Variants in PLEKHG3 observed in about 807,000 individuals in gnomAD.
PLEKHG3 encodes the protein pleckstrin homology and RhoGEF domain containing G3, also known as pleckstrin homology domain-containing family G member 3.
In PLEKHG3, 62 loss-of-function variants were observed where a neutral mutation model predicts 94.9. That is an observed-to-expected ratio of 0.65 (90% CI 0.53 to 0.81). PLEKHG3 has a LOEUF of 0.81. Ranked by LOEUF, PLEKHG3 falls within the 30% of genes least tolerant of loss-of-function variation. The pLI, the probability that PLEKHG3 is intolerant of heterozygous loss-of-function variation, is 0.00. For synonymous variants in PLEKHG3, 614 were observed against 654.0 expected, an observed-to-expected ratio of 0.94 and a Z score of 0.93; for missense variants, 1,461 against 1,619.3, an observed-to-expected ratio of 0.90 and a Z score of 1.68.
rs200024630 is a variant in PLEKHG3, at chr14:64,743,560, C to G, written c.3517C>G (p.Leu1173Val). The change falls in exon 17 of 17, where the codon CTG becomes GTG. Residue 1173 changes from leucine (L) to valine (V), a missense_variant. Transcript: ENST00000247226. This position sits in a 1 kb window ranked among gnomAD's most constrained non-coding sequence, Gnocchi z 7.2. ...SGQGPSSPVA[L>V]LGQVQDFQQS... ...CCAGGGACCAAGCTCACCGGTGGCC[C>G]TGCTGGGGCAGGTTCAGGACTTCCA... 6 of 1,612,942 alleles carry G rather than the reference C, an allele frequency of 3.7e-6. No individual in the cohort carries two copies. The highest frequency in any genetic ancestry group is 4.2e-6 in the Non-Finnish European group (5 of 1,179,924).
chr14:64,718,807 G>C lies in PLEKHG3; in HGVS notation c.-39-8786G>C, dbSNP rs1356129562. On this transcript the variant is annotated intron_variant, in intron 1 of 16. Transcript: ENST00000247226. The surrounding 1 kb of genome is among the most constrained non-coding windows in gnomAD (Gnocchi z 5.0). ...TTTGTCTTATGCCCTGGCCCTCCCA[G>C]ATGTCTACCCTGCAGATGGGTTTAA... Among the ~76,000 whole-genome samples the C allele has an allele frequency of 6.6e-6, 1 of 152,136 alleles. No homozygotes were observed. Among genetic ancestry groups the C allele is most frequent in the Non-Finnish European group, 1.5e-5 (1 of 68,018 alleles).
rs1179061892 is a variant in PLEKHG3, at chr14:64,749,444, C to T, written c.*5741C>T. The T allele has an allele frequency of 1.2e-6, 2 of 1,602,702 alleles. No individual in the cohort carries two copies. Among genetic ancestry groups the T allele is most frequent in the Non-Finnish European group, 1.7e-6 (2 of 1,178,772 alleles). ...TCTGGGACTCGTTGATGGCGGTGCT[C>T]ACGCCCTGCAGCCAGGACAGCATCT... On this transcript the variant is annotated 3_prime_UTR_variant, in exon 17 of 17. Coordinates refer to ENST00000247226, the MANE Select transcript of PLEKHG3 (RefSeq NM_001308147.2). The surrounding 1 kb of genome is among the most constrained non-coding windows in gnomAD (Gnocchi z 4.7).
At position 64,739,365 on chromosome 14, in the gene PLEKHG3, C is replaced by T. The variant is rs2139395113; in HGVS notation, c.1518+510C>T. Reference sequence around the variant, plus strand: ...TGGCGTGCCTAACACTGAGCAGCTTCTGAGGCGCGGGGCTGAGATCAGACC... The same window carrying T: ...TGGCGTGCCTAACACTGAGCAGCTTTTGAGGCGCGGGGCTGAGATCAGACC... On this transcript the variant is annotated intron_variant, in intron 15 of 16. Coordinates refer to ENST00000247226, the MANE Select transcript of PLEKHG3 (RefSeq NM_001308147.2). This position sits in a 1 kb window ranked among gnomAD's most constrained non-coding sequence, Gnocchi z 4.1. Among the ~76,000 whole-genome samples the T allele has an allele frequency of 6.6e-6, 1 of 152,356 alleles. No homozygotes were observed. Among genetic ancestry groups the T allele is most frequent in the Non-Finnish European group, 1.5e-5 (1 of 68,034 alleles).
chr14:64,712,404 G>A (rs941273421), intron 1 of PLEKHG3, among the ~76,000 whole-genome samples: 2 of 151,930 alleles, frequency 1.3e-5, no homozygotes, highest in Admixed American at 6.6e-5. Context: ...TGCATCTTTA[G>A]ATTGGTTTGT....
rs1273365411 is a variant in PLEKHG3, at chr14:64,722,548, G to C, written c.-39-5045G>C. Among the ~76,000 whole-genome samples, 27 of 152,182 alleles carry C rather than the reference G, an allele frequency of 1.8e-4. No homozygotes were observed. The highest frequency in any genetic ancestry group is 1.8e-3 in the Admixed American group (27 of 15,290). On this transcript the variant is annotated intron_variant, in intron 1 of 16. Coordinates refer to ENST00000247226, the MANE Select transcript of PLEKHG3 (RefSeq NM_001308147.2). This position sits in a 1 kb window ranked among gnomAD's most constrained non-coding sequence, Gnocchi z 4.3. Reference sequence around the variant, plus strand: ...AGGACTTTCCCTGTGTGCAGGTGCCGTGTGGATTCCTCCCCAGCTGGGGCC... The same window carrying C: ...AGGACTTTCCCTGTGTGCAGGTGCCCTGTGGATTCCTCCCCAGCTGGGGCC...
At position 64,749,170 on chromosome 14, in the gene PLEKHG3, AGCGTGGGGCCCGG is replaced by A; in HGVS notation, c.*5469_*5481del. 9.4e-7 allele frequency: 1 copy of A among 1,062,188 alleles called. No homozygotes were observed. Among genetic ancestry groups the A allele is most frequent in the East Asian group, 2.8e-5 (1 of 36,146 alleles). The allele number at this position is 1,062,188 out of a possible 1,614,324, so 65.8% of individuals were successfully genotyped here. A position where few individuals can be genotyped will look rare whatever the true frequency, so the allele number is the denominator to read the frequency against. Reference sequence around the variant, plus strand: ...CGGGCGAAGGCAGCTTTTGCAGTGCAGCGTGGGGCCCGGGGGCCCGGCCCGCGACTCGACTCAT... The same window carrying A: ...CGGGCGAAGGCAGCTTTTGCAGTGCAGGGCCCGGCCCGCGACTCGACTCAT... On this transcript the variant is annotated 3_prime_UTR_variant, in exon 17 of 17. Transcript: ENST00000247226. The surrounding 1 kb of genome is among the most constrained non-coding windows in gnomAD (Gnocchi z 4.7).
At chr14:64,729,725 G>C (rs1469030242) in intron 3 of PLEKHG3, among the ~76,000 whole-genome samples, 2 of 152,170 alleles carry the variant, frequency 1.3e-5, no homozygotes, top group Non-Finnish European at 2.9e-5. Context: ...GTGTAAGCTG[G>C]AGAAGTCTGG....
Position 64,730,953 on chromosome 14 carries a change from G to C in PLEKHG3, c.717+4G>C, listed in dbSNP as rs753490295. The C allele has an allele frequency of 6.2e-7, 1 of 1,613,030 alleles. No individual in the cohort carries two copies. Among genetic ancestry groups the C allele is most frequent in the South Asian group, 1.1e-5 (1 of 91,088 alleles). ...CAAGTACCACCTGCTGCTCCAGGTA[G>C]CCCCTCGGTCCTCCCAAGCACCTAG... On this transcript the variant is annotated splice_donor_region_variant and intron_variant, in intron 6 of 16. Transcript: ENST00000247226. The surrounding 1 kb of genome is among the most constrained non-coding windows in gnomAD (Gnocchi z 5.4).
Position 64,746,770 on chromosome 14 carries a change from T to C in PLEKHG3, c.*3067T>C, listed in dbSNP as rs79724410. The C allele has an allele frequency of 0.13, 20,068 of 152,562 alleles. 1,452 individuals are homozygous for C. Among genetic ancestry groups the C allele is most frequent in the Middle Eastern group, 0.21 (61 of 294 alleles). 9.5% of individuals were successfully genotyped at this position (152,562 alleles called of 1,614,324 possible). A position where few individuals can be genotyped will look rare whatever the true frequency, so the allele number is the denominator to read the frequency against. Reference sequence around the variant, plus strand: ...AGAGGGAAGGAGGACCGCCTGACCTTGCCCAGAAGGAGCTTCCTCTAAACT... The same window carrying C: ...AGAGGGAAGGAGGACCGCCTGACCTCGCCCAGAAGGAGCTTCCTCTAAACT... On this transcript the variant is annotated 3_prime_UTR_variant, in exon 17 of 17. Transcript: ENST00000247226. The surrounding 1 kb of genome is among the most constrained non-coding windows in gnomAD (Gnocchi z 4.9).
At position 64,739,120 on chromosome 14, in the gene PLEKHG3, G is replaced by C. The variant is rs1312166053; in HGVS notation, c.1518+265G>C. Among the ~76,000 whole-genome samples, 1 of 152,192 alleles carries C rather than the reference G, an allele frequency of 6.6e-6. No individual in the cohort carries two copies. Among genetic ancestry groups the C allele is most frequent in the African/African-American group, 2.4e-5 (1 of 41,440 alleles). On this transcript the variant is annotated intron_variant, in intron 15 of 16. Transcript: ENST00000247226. The surrounding 1 kb of genome is among the most constrained non-coding windows in gnomAD (Gnocchi z 4.1). ...CCATGTCAAGGGCACGCAGCTAGTGGAAATGAACCAGGTATTAGGCTCCTT... is the reference window on the plus strand; with the variant it reads ...CCATGTCAAGGGCACGCAGCTAGTGCAAATGAACCAGGTATTAGGCTCCTT...
intron 14 of PLEKHG3, chr14:64,737,938 G>T (rs1409164147): frequency 3.3e-6 from 4 of 1,228,948 alleles, no homozygotes; most frequent in Non-Finnish European, 4.2e-6. Context: ...GAGGCTGAAG[G>T]GGCTACCCAG....
At chr14:64,708,707 A>G (rs1459046545) in intron 1 of PLEKHG3, among the ~76,000 whole-genome samples, 1 of 152,086 alleles carries the variant, frequency 6.6e-6, no homozygotes. Context: ...TACCGCTGTC[A>G]AAGTTTGTGG....
chr14:64,722,972 T>A lies in PLEKHG3; in HGVS notation c.-39-4621T>A, dbSNP rs2081289218. 6.6e-6 allele frequency among the ~76,000 whole-genome samples: 1 copy of A among 152,064 alleles called. No individual in the cohort carries two copies. The highest frequency in any genetic ancestry group is 1.5e-5 in the Non-Finnish European group (1 of 68,012). On this transcript the variant is annotated intron_variant, in intron 1 of 16. Transcript: ENST00000247226. This position sits in a 1 kb window ranked among gnomAD's most constrained non-coding sequence, Gnocchi z 4.3. ...ACAGAACACTGAGGCTGTTGTGGGTTATGAGGGTGTGCCTTTTTTCTTTCC... is the reference window on the plus strand; with the variant it reads ...ACAGAACACTGAGGCTGTTGTGGGTAATGAGGGTGTGCCTTTTTTCTTTCC...
chr14:64,710,539 C>T (rs1263672079), intron 1 of PLEKHG3, among the ~76,000 whole-genome samples: 28 of 152,016 alleles, frequency 1.8e-4, no homozygotes, highest in African/African-American at 2.4e-5. Context: ...GGCATGGTGG[C>T]GGGCACCCGT....
intron 1 of PLEKHG3, among the ~76,000 whole-genome samples, chr14:64,719,655 C>T (rs1018021196): frequency 6.6e-6 from 1 of 152,036 alleles, no homozygotes; most frequent in Non-Finnish European, 1.5e-5. Flanking sequence ...AGCAGAGGGA[C>T]CCAGTGGGGG....
chr14:64,727,457 A>T lies in PLEKHG3; in HGVS notation c.-39-136A>T. The stretch of plus-strand genomic sequence containing the variant: ...CACTGTCTATCCACAGAACCTTTTC[A>T]TCTTCTAAAACTGAACTCTGGATGC... On this transcript the variant is annotated intron_variant, in intron 1 of 16. Transcript: ENST00000247226. This position sits in a 1 kb window ranked among gnomAD's most constrained non-coding sequence, Gnocchi z 6.0. The T allele has an allele frequency of 1.7e-6, 1 of 582,912 alleles. No homozygotes were observed. Among genetic ancestry groups the T allele is most frequent in the Non-Finnish European group, 3.1e-6 (1 of 326,026 alleles). The allele number at this position is 582,912 out of a possible 1,614,324, so 36.1% of individuals were successfully genotyped here. A position where few individuals can be genotyped will look rare whatever the true frequency, so the allele number is the denominator to read the frequency against.
Position 64,741,290 on chromosome 14 carries a change from G to A in PLEKHG3, c.1773G>A (p.Glu591=), listed in dbSNP as rs373884141. The change falls in exon 16 of 17, where the codon GAG becomes GAA. Residue 591 remains glutamate (E), a synonymous_variant. Transcript: ENST00000247226. ...EEMGGAAQEP[E]SLLPPSVLDQ... ...TGGGAGGTGCCGCCCAGGAGCCTGA[G>A]AGCCTTCTGCCACCCTCTGTGCTGG... The A allele has an allele frequency of 6.2e-7, 1 of 1,613,864 alleles. No homozygotes were observed. The highest frequency in any genetic ancestry group is 2.2e-5 in the East Asian group (1 of 44,880).
rs766867342 is a variant in PLEKHG3, at chr14:64,742,109, C to T, written c.2592C>T (p.Ala864=). 1.1e-5 allele frequency: 18 copies of T among 1,610,588 alleles called. No individual in the cohort carries two copies. Among genetic ancestry groups the T allele is most frequent in the Middle Eastern group, 1.7e-4 (1 of 6,060 alleles). The part of the protein sequence containing the change: ...LGAITEESAT[A]SPESSSPTEG... ...CCATCACAGAGGAGTCGGCCACTGCCTCCCCGGAAAGCTCCTCTCCCACTG... is the reference window on the plus strand; with the variant it reads ...CCATCACAGAGGAGTCGGCCACTGCTTCCCCGGAAAGCTCCTCTCCCACTG... The change falls in exon 16 of 17, where the codon GCC becomes GCT. Residue 864 remains alanine (A), a synonymous_variant. Coordinates refer to ENST00000247226, the MANE Select transcript of PLEKHG3 (RefSeq NM_001308147.2).
In PLEKHG3 at chr14:64,716,465, C is replaced by CACAA. The variant is rs1334762971; in HGVS notation, c.-39-11127_-39-11126insCAAA. 2.4e-4 allele frequency among the ~76,000 whole-genome samples: 26 copies of CACAA among 107,964 alleles called. 1 individual carries two copies. Among genetic ancestry groups the CACAA allele is most frequent in the Non-Finnish European group, 4.2e-4 (21 of 49,970 alleles). The allele number at this position is 107,964 out of a possible 152,430, so 70.8% of individuals were successfully genotyped here. A position where few individuals can be genotyped will look rare whatever the true frequency, so the allele number is the denominator to read the frequency against. ...ACACACACACACACACACACACACA[C>CACAA]AACACACACACACACAACACACACA... On this transcript the variant is annotated intron_variant, in intron 1 of 16. Transcript: ENST00000247226. This position sits in a 1 kb window ranked among gnomAD's most constrained non-coding sequence, Gnocchi z 5.0.
Sources: gnomAD v4.1 joint callset for allele counts (sites outside exome capture counted in the v4.1 genomes callset) on GRCh38, gnomAD v4.1.1 for gene constraint, Gnocchi (gnomAD v3.1) non-coding constraint, MANE v1.5 for transcripts, NCBI Gene and HGNC (gene_info 2026-07-23, HGNC 2026-07-21) for gene names.